DNMBP: variants seen among roughly 807,000 people sequenced by gnomAD.
The protein encoded by DNMBP is dynamin-binding protein.
A neutral mutation model predicts 150.0 loss-of-function variants in DNMBP; 87 were observed. The ratio of observed to expected loss-of-function variants is 0.58; its 90% CI spans 0.49 to 0.69. DNMBP has a LOEUF of 0.69. DNMBP is among the 30% of genes least tolerant of loss of function. The pLI, the probability that DNMBP is intolerant of heterozygous loss-of-function variation, is 0.00. For missense variants in DNMBP, 1,774 were observed against 1,949.0 expected, an observed-to-expected ratio of 0.91 and a Z score of 1.69; for synonymous variants, 711 against 750.4, an observed-to-expected ratio of 0.95 and a Z score of 0.86.
chr10:99,882,500 C>CT (rs2039384173), intron 15 of DNMBP, among the ~76,000 whole-genome samples: 1 of 152,144 alleles, frequency 6.6e-6, no homozygotes, highest in African/African-American at 2.4e-5. Context: ...AGGAGGATTG[C>CT]TTGAGCCTGG....
At chr10:99,907,465 C>T (rs1490366861) in intron 6 of DNMBP, among the ~76,000 whole-genome samples, 1 of 150,606 alleles carries the variant, frequency 6.6e-6, no homozygotes, top group Non-Finnish European at 1.5e-5. Context: ...GCTCGTGGCG[C>T]GATTTCAGCT....
At chr10:99,931,455 G>A (rs1309157463) in intron 4 of DNMBP, among the ~76,000 whole-genome samples, 1 of 152,222 alleles carries the variant, frequency 6.6e-6, no homozygotes, top group African/African-American at 2.4e-5. Flanking sequence ...ACTGAAGGAA[G>A]AAAAAGTACT....
chr10:99,903,612 G>A (rs963366208), intron 6 of DNMBP, among the ~76,000 whole-genome samples: 2 of 152,100 alleles, frequency 1.3e-5, no homozygotes, highest in South Asian at 2.1e-4. Context: ...GATTACAGGC[G>A]TGGGCCACCG....
intron 10 of DNMBP, among the ~76,000 whole-genome samples, chr10:99,895,478 G>A (rs2039639440): frequency 1.3e-5 from 2 of 152,288 alleles, no homozygotes; most frequent in Admixed American, 1.3e-4. Context: ...AACCTTTAAT[G>A]TTTTCCTGAA....
At chr10:99,978,720 A>T (rs561225232) in intron 1 of DNMBP, among the ~76,000 whole-genome samples, 1 of 152,192 alleles carries the variant, frequency 6.6e-6, no homozygotes, top group South Asian at 2.1e-4. Flanking sequence ...CTGCGATCAC[A>T]GGTGTGTACC....
intron 3 of DNMBP, 127 bp downstream of exon 3, chr10:99,968,988 A>G (rs2040648004): frequency 9.8e-7 from 1 of 1,025,504 alleles, no homozygotes; most frequent in East Asian, 2.4e-5. Context: ...CGTCCACGCT[A>G]TTTGGTATTG....
At chr10:99,990,708 T>C (rs1184469814) in intron 1 of DNMBP, among the ~76,000 whole-genome samples, 3 of 150,556 alleles carry the variant, frequency 2.0e-5, no homozygotes, top group Non-Finnish European at 3.0e-5. Context: ...CACACATATA[T>C]ACACACATAT....
chr10:99,908,487 A>G (rs1342621574), intron 5 of DNMBP, among the ~76,000 whole-genome samples: 4 of 152,262 alleles, frequency 2.6e-5, no homozygotes, highest in African/African-American at 9.6e-5. Context: ...AACAAGGACT[A>G]TAAACCCCAG....
chr10:99,898,751 G>C lies in DNMBP; in HGVS notation c.2712C>G (p.Tyr904Ter). Residue 904 changes from tyrosine to a stop codon, truncating the protein, a stop_gained, in exon 8 of 17, where the codon TAC (tyrosine) becomes TAG (stop). Coordinates refer to ENST00000324109, the MANE Select transcript of DNMBP (RefSeq NM_015221.4). LOFTEE classifies it high-confidence loss of function. ...GCAGCAATGGAACTTACCATTCGTT[G>C]TATAGGCTCCTGCAAGGCAGTGGGC... ...QDSLADLKSL[Y>*]NEWGCTNYIN... is the part of the protein sequence containing the mutation. 6.2e-7 allele frequency: 1 copy of C among 1,613,804 alleles called. No individual in the cohort carries two copies. The highest frequency in any genetic ancestry group is 8.5e-7 in the Non-Finnish European group (1 of 1,179,802).
chr10:99,943,069 G>A lies in DNMBP; in HGVS notation c.2260+12145C>T, dbSNP rs1022813580. ...AGGCTGAGGGGGGGGCGGATCACCT[G>A]AGGTCAGGCGTTCGAGACTAGCCTG... On this transcript the variant is annotated intron_variant, in intron 4 of 16. Transcript: ENST00000324109. Among the ~76,000 whole-genome samples, 5 of 152,168 alleles carry A rather than the reference G, an allele frequency of 3.3e-5. No homozygotes were observed. The South Asian group carries it at 1.0e-3, about 31-fold the overall frequency.
intron 3 of DNMBP, 78 bp downstream of exon 3, chr10:99,969,037 A>G: frequency 6.4e-7 from 1 of 1,570,396 alleles, no homozygotes; most frequent in Non-Finnish European, 8.7e-7. Context: ...TCACAAATTC[A>G]AAAAGGATCT....
intron 6 of DNMBP, among the ~76,000 whole-genome samples, chr10:99,904,847 T>C (rs945467837): frequency 6.6e-6 from 1 of 152,204 alleles, no homozygotes; most frequent in Non-Finnish European, 1.5e-5. Context: ...TCTCAGTTTA[T>C]TGTCATAATC....
At chr10:99,979,034 A>G (rs76877580) in intron 1 of DNMBP, among the ~76,000 whole-genome samples, 7,839 of 152,244 alleles carry the variant, frequency 0.051, 224 homozygotes, top group African/African-American at 0.078. Context: ...ATTTATATAT[A>G]TAACACAGTT....
Position 99,948,753 on chromosome 10 carries a change from A to G in DNMBP, c.2260+6461T>C, listed in dbSNP as rs1311861457. On this transcript the variant is annotated intron_variant, in intron 4 of 16. Coordinates refer to ENST00000324109, the MANE Select transcript of DNMBP (RefSeq NM_015221.4). ...CAAGGCAGGCGGATCACTTGAGGCT[A>G]GGAGTTCGAGACCAGGCTGACCAAC... 2.0e-5 allele frequency among the ~76,000 whole-genome samples: 3 copies of G among 152,080 alleles called. No homozygotes were observed. In the East Asian group the frequency reaches 5.8e-4, roughly 29 times the overall value.
rs1312401632 is a variant in DNMBP, at chr10:99,876,640, T to C, written c.*511A>G. ...GACACTGGAGGTGTCCCAGGAGCTT[T>C]GAAGCACTAGGTTTGGTTCAATCCC... is the stretch of plus-strand genomic sequence containing the variant. On this transcript the variant is annotated 3_prime_UTR_variant, in exon 17 of 17. Coordinates refer to ENST00000324109, the MANE Select transcript of DNMBP (RefSeq NM_015221.4). The C allele has an allele frequency of 6.6e-6, 1 of 152,502 alleles. No homozygotes were observed. The highest frequency in any genetic ancestry group is 2.4e-5 in the African/African-American group (1 of 41,448). 9.4% of individuals were successfully genotyped at this position (152,502 alleles called of 1,614,324 possible).
chr10:99,971,397 T>C (rs1018106695), intron 2 of DNMBP, among the ~76,000 whole-genome samples: 13 of 152,134 alleles, frequency 8.5e-5, no homozygotes, highest in Non-Finnish European at 4.4e-5. Context: ...TGAGATGGTG[T>C]CTTGCTATGT....
At chr10:99,977,182 C>T (rs2040737086) in intron 1 of DNMBP, among the ~76,000 whole-genome samples, 1 of 152,166 alleles carries the variant, frequency 6.6e-6, no homozygotes, top group African/African-American at 2.4e-5. Context: ...GGAGCACACA[C>T]CCTAGAAGGG....
chr10:100,004,036 G>A (rs1003438209), intron 1 of DNMBP, among the ~76,000 whole-genome samples: 7 of 150,928 alleles, frequency 4.6e-5, no homozygotes, highest in East Asian at 1.9e-4. Context: ...GTTCAAGACC[G>A]GCCTGGACAA....
chr10:99,883,155 G>GTTCTGAAAAAAATCCTTGTT (rs71009781), intron 15 of DNMBP, among the ~76,000 whole-genome samples: 78,808 of 151,996 alleles, frequency 0.52, 20,921 homozygotes, highest in Middle Eastern at 0.61. Flanking sequence ...TGGCAAAAGT[G>GTTCTGAAAAAAATCCTTGTT]TTTTTAGAGC....
Sources: gnomAD v4.1 joint callset for allele counts (sites outside exome capture counted in the v4.1 genomes callset) on GRCh38, gnomAD v4.1.1 for gene constraint, MANE v1.5 for transcripts, NCBI Gene and HGNC (gene_info 2026-07-23, HGNC 2026-07-21) for gene names.